Variants in NBEA observed in about 807,000 individuals in gnomAD.
NBEA encodes the protein lysosomal-trafficking regulator 2.
Under a neutral mutation model 343.4 loss-of-function variants are expected in NBEA, and 44 were observed. The ratio of observed to expected loss-of-function variants is 0.13; its 90% CI spans 0.10 to 0.16. The LOEUF (loss-of-function observed/expected upper bound fraction) is 0.16. NBEA is among the 10% of genes least tolerant of loss of function. The pLI, the probability that NBEA is intolerant of heterozygous loss-of-function variation, is 1.00. For synonymous variants in NBEA, 1,175 were observed against 1,238.7 expected (o/e 0.95, Z 1.08); for missense variants, 2,555 against 3,631.3 (o/e 0.70, Z 7.62).
At chr13:35,500,805 C>G (rs1412702637) in intron 41 of NBEA, among the ~76,000 whole-genome samples, 1 of 150,094 alleles carries the variant, frequency 6.7e-6, no homozygotes, top group Non-Finnish European at 1.5e-5. Context: ...TAGTTAGAGG[C>G]TTTGCAAAGA....
At chr13:35,029,851 G>T (rs572230623) in intron 1 of NBEA, among the ~76,000 whole-genome samples, 76 of 151,652 alleles carry the variant, frequency 5.0e-4, no homozygotes, top group African/African-American at 1.8e-3. Context: ...AGTTACTGCA[G>T]TTTAAAAAGC....
intron 1 of NBEA, among the ~76,000 whole-genome samples, chr13:35,025,777 T>G (rs971651306): frequency 6.6e-6 from 1 of 152,178 alleles, no homozygotes; most frequent in African/African-American, 2.4e-5. Context: ...CGCTTACATT[T>G]TCTTCTCCAT....
At chr13:35,151,443 A>G (rs1593521442) in intron 18 of NBEA, among the ~76,000 whole-genome samples, 2 of 151,598 alleles carry the variant, frequency 1.3e-5, no homozygotes, top group African/African-American at 2.4e-5. Context: ...CTCAGGAGGC[A>G]GAGGCAGGAG....
intron 1 of NBEA, among the ~76,000 whole-genome samples, chr13:34,946,532 A>G (rs940186154): frequency 1.8e-4 from 27 of 152,178 alleles, no homozygotes; most frequent in African/African-American, 6.3e-4. Context: ...TGTGTATAGT[A>G]TAATTCTATG....
At chr13:35,512,821 C>A (rs9574065) in intron 41 of NBEA, among the ~76,000 whole-genome samples, 3 of 152,112 alleles carry the variant, frequency 2.0e-5, no homozygotes, top group Admixed American at 6.5e-5. Context: ...GAGGAGGTAC[C>A]TTGCGGTCCT....
At chr13:35,168,791 A>G (rs1485423460) in intron 24 of NBEA, among the ~76,000 whole-genome samples, 196 bp from the exon 25 acceptor site, 2 of 151,398 alleles carry the variant, frequency 1.3e-5, no homozygotes, top group African/African-American at 4.8e-5. Flanking sequence ...TAAATATTTG[A>G]TATTTAACCT....
At chr13:35,163,617 C>CAAA (rs56961670) in intron 23 of NBEA, among the ~76,000 whole-genome samples, 10 of 125,604 alleles carry the variant, frequency 8.0e-5, no homozygotes, top group African/African-American at 2.8e-4. Flanking sequence ...GATCCTTTCT[C>CAAA]AAAAAAAAAA....
intron 17 of NBEA, among the ~76,000 whole-genome samples, chr13:35,127,582 G>A (rs538035635): frequency 2.0e-5 from 3 of 152,312 alleles, no homozygotes; most frequent in African/African-American, 7.2e-5. Context: ...GAATTTCCAT[G>A]TAAGTGGACA....
chr13:35,063,318 A>G (rs12874966), intron 8 of NBEA, among the ~76,000 whole-genome samples: 2 of 151,986 alleles, frequency 1.3e-5, no homozygotes, highest in Non-Finnish European at 1.5e-5. Context: ...AAGATAGATT[A>G]CAAAACAAAA....
intron 38 of NBEA, among the ~76,000 whole-genome samples, chr13:35,356,618 G>A (rs867188860): frequency 8.5e-5 from 13 of 152,186 alleles, no homozygotes; most frequent in Admixed American, 4.6e-4. Flanking sequence ...TAGAGTGACC[G>A]TTGATTTTTT....
intron 1 of NBEA, among the ~76,000 whole-genome samples, chr13:34,992,245 T>TAC (rs1225741098): frequency 7.5e-6 from 1 of 133,906 alleles, no homozygotes; most frequent in African/African-American, 3.0e-5. Flanking sequence ...TGTGTATATA[T>TAC]ATATATATAT....
chr13:35,612,167 C>T (rs1372508600), intron 48 of NBEA, among the ~76,000 whole-genome samples: 1 of 151,160 alleles, frequency 6.6e-6, no homozygotes, highest in Non-Finnish European at 1.5e-5. Flanking sequence ...GAGTCTCGCT[C>T]TGTCGCCCAG....
In NBEA at chr13:35,110,872, C is replaced by T; in HGVS notation, c.1896C>T (p.Thr632=). 1 of 1,612,210 alleles carries T rather than the reference C, an allele frequency of 6.2e-7. No homozygotes were observed. The highest frequency in any genetic ancestry group is 8.5e-7 in the Non-Finnish European group (1 of 1,178,544). ...AEFIGTATIY[T]TIRRVGTVLQ... The stretch of plus-strand genomic sequence containing the variant: ...TTATTGGAACTGCTACCATCTACAC[C>T]ACCATACGCAGAGTAGGAACAGTAT... The change falls in exon 13 of 59, where the codon ACC becomes ACT. Residue 632 remains threonine, a synonymous_variant. Coordinates refer to ENST00000379939, the MANE Select transcript of NBEA (RefSeq NM_001385012.1).
chr13:35,246,155 G>T (rs2031154804), intron 34 of NBEA, among the ~76,000 whole-genome samples: 1 of 151,990 alleles, frequency 6.6e-6, no homozygotes, highest in Non-Finnish European at 1.5e-5. Context: ...TTTTATATAT[G>T]CTGTGTATTT....
intron 13 of NBEA, among the ~76,000 whole-genome samples, chr13:35,114,243 A>G (rs1242417294): frequency 3.3e-5 from 5 of 152,164 alleles, no homozygotes; most frequent in Admixed American, 6.5e-5. Flanking sequence ...TATTAAAACC[A>G]TGAGTTCACA....
intron 23 of NBEA, among the ~76,000 whole-genome samples, chr13:35,163,421 A>G (rs543032808): frequency 6.6e-6 from 1 of 152,112 alleles, no homozygotes; most frequent in Admixed American, 6.6e-5. Context: ...TGGGAGGCCA[A>G]GGCGGGAGGA....
chr13:35,046,584 T>C (rs1186504545), intron 4 of NBEA, among the ~76,000 whole-genome samples: 2 of 152,186 alleles, frequency 1.3e-5, no homozygotes, highest in Non-Finnish European at 2.9e-5. Flanking sequence ...TATGGTTTTT[T>C]CCTCTACATA....
intron 11 of NBEA, among the ~76,000 whole-genome samples, chr13:35,101,021 G>A (rs1343676162): frequency 6.6e-6 from 1 of 151,884 alleles, no homozygotes; most frequent in Non-Finnish European, 1.5e-5. Flanking sequence ...CCATGTTATA[G>A]CATATTTTAG....
At chr13:35,315,887 C>G in intron 36 of NBEA, among the ~76,000 whole-genome samples, 1 of 152,044 alleles carries the variant, frequency 6.6e-6, no homozygotes, top group African/African-American at 2.4e-5. Context: ...GTTTATTTCT[C>G]TTATGTCTTT....
Sources: allele counts gnomAD v4.1 joint callset (sites outside exome capture counted in the v4.1 genomes callset), GRCh38; gene constraint gnomAD v4.1.1; transcripts MANE v1.5; gene names NCBI Gene and HGNC (gene_info 2026-07-23, HGNC 2026-07-21).